The following MARF1 variants were observed in gnomAD, a reference collection of about 807,000 sequenced individuals.
MARF1 encodes meiosis regulator and mRNA stability factor 1, also known as limkain-b1.
MARF1 carries 24 observed loss-of-function variants against 168.2 expected under a neutral mutation model. The observed-to-expected ratio is 0.14, with a 90% CI of 0.10 to 0.20. The LOEUF is 0.20. Ranked by LOEUF, MARF1 falls within the 10% of genes least tolerant of loss-of-function variation. MARF1 has a pLI of 1.00. For missense variants in MARF1, 1,744 were observed against 2,143.6 expected, an observed-to-expected ratio of 0.81 and a Z score of 3.68; for synonymous variants, 868 against 822.4, an observed-to-expected ratio of 1.06 and a Z score of -0.95.
At chr16:15,622,570 T>C (rs746991187) in intron 11 of MARF1, among the ~76,000 whole-genome samples, 9 of 152,110 alleles carry the variant, frequency 5.9e-5, no homozygotes, top group Non-Finnish European at 1.2e-4. Context: ...TTTTTTTTAG[T>C]AGAGACGGGG....
intron 1 of MARF1, among the ~76,000 whole-genome samples, chr16:15,641,411 G>C (rs1168520114): frequency 6.6e-6 from 1 of 152,190 alleles, no homozygotes; most frequent in Non-Finnish European, 1.5e-5. Flanking sequence ...AAAATCGTAA[G>C]AATCTGTGAT....
intron 2 of MARF1, among the ~76,000 whole-genome samples, chr16:15,637,938 G>C (rs1023982934): frequency 2.0e-5 from 3 of 152,062 alleles, no homozygotes; most frequent in African/African-American, 7.2e-5. Flanking sequence ...AGGCCGAGGC[G>C]GGTGGATCAC....
chr16:15,620,177 A>AAAACAAAC (rs538129574), intron 13 of MARF1, among the ~76,000 whole-genome samples: 59 of 152,188 alleles, frequency 3.9e-4, no homozygotes, highest in Non-Finnish European at 7.2e-4. Context: ...AAAAAATTAA[A>AAAACAAAC]AAACAAACAA....
chr16:15,631,300 T>C (rs763607151), intron 6 of MARF1, 81 bp downstream of exon 6: 3 of 939,820 alleles, frequency 3.2e-6, no homozygotes, highest in Non-Finnish European at 5.2e-6. Flanking sequence ...GGATACATTT[T>C]ACTTTCACAT....
chr16:15,625,741 G>A lies in MARF1; in HGVS notation c.1584C>T (p.Val528=). ...NLPANKDGKS[V]SNRLRRLSDN... ...CGGACAGGCGTCTGAGCCTGTTGCT[G>A]ACGCTCTTGCCATCCTTATTTGCTG... Residue 528 remains valine (V), a synonymous_variant, in exon 8 of 27, where the codon GTC becomes GTT. Coordinates refer to ENST00000396368, the MANE Select transcript of MARF1 (RefSeq NM_014647.4). 1 of 1,614,098 alleles carries A rather than the reference G, an allele frequency of 6.2e-7. No individual in the cohort carries two copies. The highest frequency in any genetic ancestry group is 1.6e-4 in the Middle Eastern group (1 of 6,062).
chr16:15,637,827 T>C (rs1779426417), intron 2 of MARF1, among the ~76,000 whole-genome samples: 1 of 152,196 alleles, frequency 6.6e-6, no homozygotes, highest in Non-Finnish European at 1.5e-5. Flanking sequence ...GACAACTATA[T>C]AGTGAAAACC....
chr16:15,605,340 G>C (rs2032913865), intron 21 of MARF1, among the ~76,000 whole-genome samples: 1 of 152,204 alleles, frequency 6.6e-6, no homozygotes. Context: ...CTGAGAGGCA[G>C]AGAGAGGTGG....
At chr16:15,613,620 C>A (rs981558900) in intron 16 of MARF1, among the ~76,000 whole-genome samples, 8 of 149,940 alleles carry the variant, frequency 5.3e-5, no homozygotes, top group African/African-American at 2.0e-4. Context: ...CTAGATTGCA[C>A]CACTGCACTC....
intron 2 of MARF1, among the ~76,000 whole-genome samples, chr16:15,636,687 T>A (rs969417630): frequency 6.6e-6 from 1 of 152,160 alleles, no homozygotes; most frequent in African/African-American, 2.4e-5. Context: ...GAAGACAAAA[T>A]AGGTGGTATG....
chr16:15,630,461 C>T lies in MARF1; in HGVS notation c.1395G>A (p.Arg465=). 1 of 1,613,830 alleles carries T rather than the reference C, an allele frequency of 6.2e-7. No homozygotes were observed. Among genetic ancestry groups the T allele is most frequent in the Non-Finnish European group, 8.5e-7 (1 of 1,179,908 alleles). ...FALELSDLRH[R]HGFHIILVHK... is the part of the protein sequence containing the mutation. ...GGACCAAAATAATGTGGAAACCATG[C>T]CTGTGTCTCAGGTCACTAAGTTCCA... is the stretch of plus-strand genomic sequence containing the variant. The change falls in exon 7 of 27, where the codon AGG becomes AGA. Residue 465 remains arginine (R), a synonymous_variant. Transcript: ENST00000396368.
In MARF1 at chr16:15,631,452, T is replaced by C; in HGVS notation, c.1280A>G (p.Asp427Gly). ...TCTGCGGAGACTCTGCCGCAGTTTA[T>C]CATCAGCGGCATTCTTTGCAGTAGC... is the stretch of plus-strand genomic sequence containing the variant. ...INATAKNAAD[D>G]KLRQSLRRFA... The change falls in exon 6 of 27, where the codon GAT becomes GGT. Residue 427 changes from aspartate (D) to glycine (G), a missense_variant. Asp to Gly is a moderately conservative substitution (Grantham distance 94, BLOSUM62 -1). Transcript: ENST00000396368. The C allele has an allele frequency of 6.2e-7, 1 of 1,613,448 alleles. No homozygotes were observed. Among genetic ancestry groups the C allele is most frequent in the African/African-American group, 1.3e-5 (1 of 75,054 alleles).
intron 2 of MARF1, among the ~76,000 whole-genome samples, chr16:15,638,585 CA>C (rs71134443): frequency 1.3e-3 from 162 of 128,522 alleles, no homozygotes; most frequent in Admixed American, 1.3e-3. Flanking sequence ...GACTGCACCT[CA>C]AAAAAAAAAA....
chr16:15,602,458 C>T lies in MARF1; in HGVS notation c.4414-255G>A, dbSNP rs991296705. On this transcript the variant is annotated intron_variant, in intron 22 of 26. Coordinates refer to ENST00000396368, the MANE Select transcript of MARF1 (RefSeq NM_014647.4). ...GACGAGACAAAAACGAAGATAAAGA[C>T]GACAAAGATGAAGACAAAGAACAAG... The T allele has an allele frequency of 1.0e-4, 62 of 596,700 alleles. No homozygotes were observed. The Middle Eastern group carries it at 1.3e-3, about 12-fold the overall frequency. 37.0% of individuals were successfully genotyped at this position (596,700 alleles called of 1,614,324 possible). A position where few individuals can be genotyped will look rare whatever the true frequency, so the allele number is the denominator to read the frequency against.
chr16:15,622,502 C>T (rs2034533861), intron 11 of MARF1, among the ~76,000 whole-genome samples: 1 of 152,090 alleles, frequency 6.6e-6, no homozygotes, highest in African/African-American at 2.4e-5. Context: ...AGCAATTCTC[C>T]TGCCTTAGCC....
chr16:15,639,103 T>C lies in MARF1; in HGVS notation c.131A>G (p.His44Arg), dbSNP rs772650397. 132 of 1,613,916 alleles carry C rather than the reference T, an allele frequency of 8.2e-5. No homozygotes were observed. The highest frequency in any genetic ancestry group is 4.2e-4 in the East Asian group (19 of 44,894). ...CFSRPEQTLP[H>R]SPQTKEYMEN... ...GCATATAGTTACCGTTTGGGGACTA[T>C]GTGGCAGCGTCTGCTCAGGACGAGA... Residue 44 changes from histidine (H) to arginine (R), a missense_variant, in exon 2 of 27, where the codon CAT (histidine) becomes CGT (arginine). Coordinates refer to ENST00000396368, the MANE Select transcript of MARF1 (RefSeq NM_014647.4).
At chr16:15,629,709 A>G (rs529055750) in intron 7 of MARF1, among the ~76,000 whole-genome samples, 8 of 152,348 alleles carry the variant, frequency 5.3e-5, no homozygotes, top group African/African-American at 1.9e-4. Context: ...CAGCACTGCA[A>G]TAAACATTCT....
chr16:15,599,837 AC>A (rs1290471116), intron 25 of MARF1, among the ~76,000 whole-genome samples: 1 of 152,126 alleles, frequency 6.6e-6, no homozygotes, highest in Non-Finnish European at 1.5e-5. Context: ...TGAGTCAGGC[AC>A]CCTGAGCCCT....
chr16:15,604,775 G>C (rs78543149), intron 21 of MARF1, among the ~76,000 whole-genome samples: 304 of 152,286 alleles, frequency 2.0e-3, no homozygotes, highest in Middle Eastern at 3.4e-3. Context: ...GTGCTCGAAG[G>C]GGGGTAGGGA....
At chr16:15,641,303 A>G (rs941497152) in intron 1 of MARF1, among the ~76,000 whole-genome samples, 2 of 152,218 alleles carry the variant, frequency 1.3e-5, no homozygotes, top group African/African-American at 4.8e-5. Flanking sequence ...GGGAGTGGTT[A>G]ATTTGGAGAT....
Sources: gnomAD v4.1 joint callset for allele counts (sites outside exome capture counted in the v4.1 genomes callset) on GRCh38, gnomAD v4.1.1 for gene constraint, MANE v1.5 for transcripts, NCBI Gene and HGNC (gene_info 2026-07-23, HGNC 2026-07-21) for gene names.